The following ICE2 variants were observed in gnomAD, a reference collection of about 807,000 sequenced individuals.
The protein encoded by ICE2 is interactor of little elongation complex ELL subunit 2.
A neutral mutation model predicts 105.4 loss-of-function variants in ICE2; 87 were observed. The observed-to-expected ratio is 0.83, with a 90% confidence interval of 0.69 to 0.99. The LOEUF is 0.99. ICE2 is among the 50% of genes least tolerant of loss of function. The probability of loss-of-function intolerance (pLI) is 0.00; values close to 1 mark genes in which losing one functional copy is unlikely to be tolerated. For synonymous variants in ICE2, 399 were observed against 392.0 expected (o/e 1.02, Z -0.21); for missense variants, 1,323 against 1,146.7 (o/e 1.15, Z -2.22).
chr15:60,436,965 T>A (rs1325083019), intron 12 of ICE2, among the ~76,000 whole-genome samples: 2 of 152,122 alleles, frequency 1.3e-5, no homozygotes, highest in South Asian at 2.1e-4. Context: ...TAATATTTTT[T>A]AATTAGACTG....
At chr15:60,441,705 T>A (rs914006366) in intron 12 of ICE2, 2 of 152,218 alleles carry the variant, frequency 1.3e-5, no homozygotes, top group African/African-American at 4.8e-5. Context: ...TATTGGACAT[T>A]CCAGTGGGAG....
At position 60,456,660 on chromosome 15, in the gene ICE2, T is replaced by A. The variant is rs200212941; in HGVS notation, c.663A>T (p.Ala221=). Residue 221 remains alanine (A), a synonymous_variant, in exon 6 of 16, where the codon GCA becomes GCT. Transcript: ENST00000261520. ...MGLKLEKTLL[A]LGSVKYVKTV... is the part of the protein sequence containing the mutation. Reference sequence around the variant, plus strand: ...ATCGTCTGATAATAAACCTTACCAATGCGAGAAGAGTTTTTTCTAACTTTA... The same window carrying A: ...ATCGTCTGATAATAAACCTTACCAAAGCGAGAAGAGTTTTTTCTAACTTTA... 1.3e-6 allele frequency: 2 copies of A among 1,572,582 alleles called. No homozygotes were observed. The highest frequency in any genetic ancestry group is 1.7e-6 in the Non-Finnish European group (2 of 1,161,162).
chr15:60,453,356 C>CA (rs2064012151), intron 9 of ICE2: 1 of 1,251,340 alleles, frequency 8.0e-7, no homozygotes. Context: ...CATAAAATAT[C>CA]AAACTTAACC....
At chr15:60,475,944 T>A in intron 3 of ICE2, 119 bp downstream of exon 3, 1 of 634,274 alleles carries the variant, frequency 1.6e-6, no homozygotes, top group Non-Finnish European at 2.6e-6. Flanking sequence ...TGTTAAAAGT[T>A]GTTTTACTTT....
At position 60,423,588 on chromosome 15, in the gene ICE2, ACT is replaced by A. The variant is rs748443318; in HGVS notation, c.*44_*45del. ...TCCCTCAAACTTATCTAAATTAAAC[ACT>A]GTTATAACTGTTTTTTTAAATTTAG... On this transcript the variant is annotated 3_prime_UTR_variant, in exon 16 of 16. Coordinates refer to ENST00000261520, the MANE Select transcript of ICE2 (RefSeq NM_024611.6). 6 of 1,522,062 alleles carry A rather than the reference ACT, an allele frequency of 3.9e-6. No homozygotes were observed. The highest frequency in any genetic ancestry group is 5.3e-6 in the Non-Finnish European group (6 of 1,134,352). 94.3% of individuals were successfully genotyped at this position (1,522,062 alleles called of 1,614,324 possible). A position where few individuals can be genotyped will look rare whatever the true frequency, so the allele number is the denominator to read the frequency against.
At chr15:60,452,634 A>G (rs977638654) in intron 9 of ICE2, 1 of 158,148 alleles carries the variant, frequency 6.3e-6, no homozygotes, top group African/African-American at 2.4e-5. Context: ...TTCTCTATAA[A>G]CAATGTATTT....
At position 60,466,612 on chromosome 15, in the gene ICE2, A is replaced by G. The variant is rs1183638864; in HGVS notation, c.510T>C (p.Asp170=). Reference sequence around the variant, plus strand: ...TTTTTACCTCTGTGAAGAGACGGGCATCATCAGAAAGCATATTATAATCCT... The same window carrying G: ...TTTTTACCTCTGTGAAGAGACGGGCGTCATCAGAAAGCATATTATAATCCT... The part of the protein sequence containing the change: ...CAQDYNMLSD[D]ARLFTEKILR... The change falls in exon 5 of 16, where the codon GAT becomes GAC. Residue 170 remains aspartate (D), a synonymous_variant. Coordinates refer to ENST00000261520, the MANE Select transcript of ICE2 (RefSeq NM_024611.6). 1.9e-6 allele frequency: 3 copies of G among 1,611,402 alleles called. No homozygotes were observed. The highest frequency in any genetic ancestry group is 2.2e-5 in the East Asian group (1 of 44,810).
At chr15:60,456,437 G>C (rs2064113580) in intron 6 of ICE2, among the ~76,000 whole-genome samples, 1 of 148,878 alleles carries the variant, frequency 6.7e-6, no homozygotes, top group Non-Finnish European at 1.5e-5. Flanking sequence ...CCAGCTACTT[G>C]GGAGGCTAAG....
chr15:60,423,809 T>C (rs2063279986), intron 15 of ICE2, 47 bp from the exon 16 acceptor site: 2 of 1,453,712 alleles, frequency 1.4e-6, no homozygotes, highest in African/African-American at 1.5e-5. Flanking sequence ...ATCTACAACA[T>C]ACCTATATAC....
chr15:60,424,200 C>T (rs978400669), intron 15 of ICE2, among the ~76,000 whole-genome samples: 7 of 148,696 alleles, frequency 4.7e-5, no homozygotes, highest in Admixed American at 1.3e-4. Context: ...ATTACATGGA[C>T]AAACAAGAAA....
rs114957094 is a variant in ICE2, at chr15:60,476,551, A to C, written c.42-384T>G. 7.3e-3 allele frequency among the ~76,000 whole-genome samples: 1,107 copies of C among 152,324 alleles called. 10 individuals are homozygous for C. The highest frequency in any genetic ancestry group is 0.026 in the African/African-American group (1,077 of 41,564). On this transcript the variant is annotated intron_variant, in intron 2 of 15. Coordinates refer to ENST00000261520, the MANE Select transcript of ICE2 (RefSeq NM_024611.6). ...AACATTAAGATACTTGGTTGCTGAA[A>C]ACACTTCTCAACTTATTTTTGTTTC...
chr15:60,456,540 C>CAAAAAAAAA (rs1425301397), intron 6 of ICE2, 117 bp downstream of exon 6: 43 of 36,080 alleles, frequency 1.2e-3, no homozygotes, highest in East Asian at 4.2e-3. Context: ...ACTCTGTCTC[C>CAAAAAAAAA]AAAAAAAAAA....
rs749864398 is a variant in ICE2, at chr15:60,468,145, A to G, written c.324T>C (p.Tyr108=). Residue 108 remains tyrosine, a synonymous_variant, in exon 4 of 16, where the codon TAT becomes TAC. Transcript: ENST00000261520. The part of the protein sequence containing the change: ...SRFSQREQRS[Y]VDLLVKYAKI... Reference sequence around the variant, plus strand: ...TTGCGTATTTAACCAACAAGTCCACATAACTCCTCTGCTCTCTCTGTGAGA... The same window carrying G: ...TTGCGTATTTAACCAACAAGTCCACGTAACTCCTCTGCTCTCTCTGTGAGA... 6.8e-6 allele frequency: 11 copies of G among 1,614,128 alleles called. No homozygotes were observed. The highest frequency in any genetic ancestry group is 8.5e-6 in the Non-Finnish European group (10 of 1,179,992).
At chr15:60,430,607 A>G (rs899543319) in intron 14 of ICE2, among the ~76,000 whole-genome samples, 1 of 152,232 alleles carries the variant, frequency 6.6e-6, no homozygotes, top group Non-Finnish European at 1.5e-5. Context: ...TAATCACAGA[A>G]TATCAGAACT....
At chr15:60,466,398 TA>T (rs1448739184) in intron 5 of ICE2, among the ~76,000 whole-genome samples, 195 bp downstream of exon 5, 1 of 152,228 alleles carries the variant, frequency 6.6e-6, no homozygotes, top group Non-Finnish European at 1.5e-5. Context: ...TAAATATACA[TA>T]AAAATATACT....
rs1408900876 is a variant in ICE2, at chr15:60,465,773, CAG to C, written c.528+819_528+820del. 4.0e-5 allele frequency among the ~76,000 whole-genome samples: 5 copies of C among 125,632 alleles called. No homozygotes were observed. In the South Asian group the frequency reaches 9.8e-4, roughly 25 times the overall value. 82.4% of individuals were successfully genotyped at this position (125,632 alleles called of 152,430 possible). A position where few individuals can be genotyped will look rare whatever the true frequency, so the allele number is the denominator to read the frequency against. ...TTCTTTTTTTTTTTTTTTTTTGAGACAGGGTATCGCTCTGTCACCTAGGCTGG... is the reference window on the plus strand; with the variant it reads ...TTCTTTTTTTTTTTTTTTTTTGAGACGGTATCGCTCTGTCACCTAGGCTGG... On this transcript the variant is annotated intron_variant, in intron 5 of 15. Coordinates refer to ENST00000261520, the MANE Select transcript of ICE2 (RefSeq NM_024611.6).
intron 13 of ICE2, among the ~76,000 whole-genome samples, chr15:60,433,804 T>TA (rs67870746): frequency 6.1e-4 from 37 of 60,840 alleles, no homozygotes; most frequent in African/African-American, 1.7e-3. Flanking sequence ...TCCTTTTTTT[T>TA]AAAAAAAAAA....
chr15:60,447,506 A>G (rs988315837), intron 11 of ICE2: 3 of 152,434 alleles, frequency 2.0e-5, no homozygotes, highest in African/African-American at 7.2e-5. Context: ...ACAGGACTCA[A>G]GTCTAAACAC....
chr15:60,433,056 G>C (rs2063498114), intron 13 of ICE2, among the ~76,000 whole-genome samples: 1 of 152,026 alleles, frequency 6.6e-6, no homozygotes, highest in Non-Finnish European at 1.5e-5. Flanking sequence ...ACTCACTCGG[G>C]ACAGGATAGC....
Sources: allele counts gnomAD v4.1 joint callset (sites outside exome capture counted in the v4.1 genomes callset), GRCh38; gene constraint gnomAD v4.1.1; transcripts MANE v1.5; gene names NCBI Gene and HGNC (gene_info 2026-07-23, HGNC 2026-07-21).